HIVEP1: variants seen among roughly 807,000 people sequenced by gnomAD.
The protein encoded by HIVEP1 is HIVEP zinc finger 1, also known as zinc finger protein 40.
HIVEP1 carries 36 observed loss-of-function variants against 180.0 expected under a neutral mutation model. That is an observed-to-expected ratio of 0.20 (90% CI 0.15 to 0.26). The LOEUF (loss-of-function observed/expected upper bound fraction) is 0.26, where lower values mean the gene tolerates loss of function less well. Ranked by LOEUF, HIVEP1 falls within the 10% of genes least tolerant of loss-of-function variation. The probability of loss-of-function intolerance (pLI) is 1.00; values close to 1 mark genes in which losing one functional copy is unlikely to be tolerated. For synonymous variants in HIVEP1, 1,239 were observed against 1,239.0 expected, an observed-to-expected ratio of 1.00 and a Z score of 0.00; for missense variants, 3,143 against 3,268.7, an observed-to-expected ratio of 0.96 and a Z score of 0.94.
the HIVEP1 span, among the ~76,000 whole-genome samples, chr6:12,201,257 G>T: frequency 1.1e-4 from 16 of 152,128 alleles, no homozygotes; most frequent in Non-Finnish European, 1.8e-4. Context: ...TGGGCGAATC[G>T]TTTGAGCCCA....
At chr6:12,018,018 T>TGGGGGGTGCTTAGGCATG in intron 2 of HIVEP1, among the ~76,000 whole-genome samples, 1 of 152,278 alleles carries the variant, frequency 6.6e-6, no homozygotes, top group South Asian at 2.1e-4. Flanking sequence ...GCCCATGGCG[T>TGGGGGGTGCTTAGGCATG]GGGGGGTGCT....
At chr6:12,155,309 G>A (rs1000863626) in intron 7 of HIVEP1, among the ~76,000 whole-genome samples, 4 of 151,828 alleles carry the variant, frequency 2.6e-5, no homozygotes, top group Non-Finnish European at 4.4e-5. Context: ...CAGGTTTGTC[G>A]CACAGGTAAA....
In HIVEP1 at chr6:12,122,881, G is replaced by A. The variant is rs1757772873; in HGVS notation, c.3086G>A (p.Arg1029Lys). 1.2e-6 allele frequency: 2 copies of A among 1,614,076 alleles called. No homozygotes were observed. The highest frequency in any genetic ancestry group is 2.2e-5 in the South Asian group (2 of 91,084). The stretch of plus-strand genomic sequence containing the variant: ...ATCTGGGAACAGACGCCCCAGATAA[G>A]AAAAAGGAGGAAAATGAAAAGTGTT... The part of the protein sequence containing the change: ...SGIWEQTPQI[R>K]KRRKMKSVGD... Residue 1029 changes from arginine (R) to lysine (K), a missense_variant, in exon 4 of 9, where the codon AGA (arginine) becomes AAA (lysine). By Grantham distance (26) the Arg-to-Lys change is conservative (BLOSUM62 2). Around this residue, in one of 12 missense-constraint regions of HIVEP1, gnomAD observed 1,357 missense variants for 1,260.5 expected, o/e 1.08. Transcript: ENST00000379388.
At chr6:12,196,980 C>CA in the HIVEP1 span, among the ~76,000 whole-genome samples, 2 of 151,994 alleles carry the variant, frequency 1.3e-5, no homozygotes, top group Admixed American at 1.3e-4. Flanking sequence ...TCCTTGCTCT[C>CA]AAAAAATGTG....
chr6:12,096,332 G>A (rs1019776267), intron 3 of HIVEP1, among the ~76,000 whole-genome samples: 3 of 151,818 alleles, frequency 2.0e-5, no homozygotes, highest in Non-Finnish European at 2.9e-5. Context: ...TTGATAAGTG[G>A]GATTTTTGTT....
At position 12,164,362 on chromosome 6, in the gene HIVEP1, G is replaced by A; in HGVS notation, c.8058G>A (p.Gln2686=). ...SGQQTLSPDR[Q]VPRPTALPRR... ...AGCAGACTCTCTCTCCAGACAGACAGGTTCCCAGGCCCACAGCACTACCGC... is the reference window on the plus strand; with the variant it reads ...AGCAGACTCTCTCTCCAGACAGACAAGTTCCCAGGCCCACAGCACTACCGC... Residue 2686 remains glutamine, a synonymous_variant, in exon 9 of 9, where the codon CAG becomes CAA. Transcript: ENST00000379388. The A allele has an allele frequency of 6.2e-7, 1 of 1,614,132 alleles. No homozygotes were observed. The highest frequency in any genetic ancestry group is 8.5e-7 in the Non-Finnish European group (1 of 1,180,026).
chr6:12,124,382 A>C lies in HIVEP1; in HGVS notation c.4587A>C (p.Leu1529=), dbSNP rs368279780. 5.0e-6 allele frequency: 8 copies of C among 1,614,126 alleles called. No individual in the cohort carries two copies. The East Asian group carries it at 1.3e-4, about 27-fold the overall frequency. The change falls in exon 4 of 9, where the codon CTA becomes CTC. Residue 1529 remains leucine (L), a synonymous_variant. Transcript: ENST00000379388. ...CGCCTAGCCACCAGAGCACACAGCT[A>C]TCTCTGCAAGTGTCTACGCAGGGTA... is the stretch of plus-strand genomic sequence containing the variant. The part of the protein sequence containing the change: ...HAPPSHQSTQ[L]SLQVSTQGSK...
At chr6:12,210,528 T>TA in the HIVEP1 span, among the ~76,000 whole-genome samples, 13 of 152,140 alleles carry the variant, frequency 8.5e-5, no homozygotes, top group South Asian at 4.1e-4. Flanking sequence ...TTAGATGTTT[T>TA]AAAAAAATAG....
At chr6:12,184,533 A>T in the HIVEP1 span, among the ~76,000 whole-genome samples, 6 of 152,190 alleles carry the variant, frequency 3.9e-5, no homozygotes, top group Non-Finnish European at 8.8e-5. Flanking sequence ...ATTTGGGCAG[A>T]CCATGTTTGC....
At chr6:12,209,121 C>T in the HIVEP1 span, among the ~76,000 whole-genome samples, 3 of 152,202 alleles carry the variant, frequency 2.0e-5, no homozygotes, top group Non-Finnish European at 2.9e-5. Flanking sequence ...GGCAGGTCTC[C>T]TCTGGCCACT....
chr6:12,117,610 T>C (rs1775299292), intron 3 of HIVEP1, among the ~76,000 whole-genome samples: 1 of 152,208 alleles, frequency 6.6e-6, no homozygotes, highest in Non-Finnish European at 1.5e-5. Flanking sequence ...TTATTTAATT[T>C]TGAATAACAT....
the HIVEP1 span, among the ~76,000 whole-genome samples, chr6:12,186,718 G>A: frequency 2.6e-5 from 4 of 152,050 alleles, no homozygotes; most frequent in African/African-American, 7.2e-5. Context: ...TCCCATATGC[G>A]ATGAAAGTTA....
chr6:12,168,061 ATAC>A (rs1219388016), downstream of HIVEP1, among the ~76,000 whole-genome samples: 2 of 9,108 alleles, frequency 2.2e-4, no homozygotes, highest in South Asian at 0.011. Context: ...ATGTGTATAT[ATAC>A]ATATATATGT....
intron 7 of HIVEP1, among the ~76,000 whole-genome samples, chr6:12,160,890 T>A (rs536372088): frequency 1.1e-4 from 17 of 152,250 alleles, no homozygotes; most frequent in Admixed American, 1.3e-4. Flanking sequence ...CCTAGTAATT[T>A]GAAAGGGCCC....
chr6:12,027,692 A>T (rs1211471339), intron 2 of HIVEP1, among the ~76,000 whole-genome samples: 2 of 152,224 alleles, frequency 1.3e-5, no homozygotes, highest in African/African-American at 4.8e-5. Context: ...AATGAGCCCT[A>T]CAAGGAAGGT....
the HIVEP1 span, among the ~76,000 whole-genome samples, chr6:12,180,472 T>C: frequency 6.6e-6 from 1 of 152,248 alleles, no homozygotes; most frequent in Non-Finnish European, 1.5e-5. Flanking sequence ...TGTATCTGTT[T>C]ATACTAAGTA....
chr6:12,028,983 T>G (rs943126362), intron 2 of HIVEP1, among the ~76,000 whole-genome samples: 3 of 152,244 alleles, frequency 2.0e-5, no homozygotes, highest in Admixed American at 6.5e-5. Flanking sequence ...TGTAGCTTTT[T>G]TTCATTGTTT....
chr6:12,179,811 T>C, the HIVEP1 span, among the ~76,000 whole-genome samples: 2 of 152,210 alleles, frequency 1.3e-5, no homozygotes, highest in Admixed American at 6.5e-5. Context: ...TTCCCAACAG[T>C]AGTTACTTAT....
At chr6:12,109,521 AT>A (rs1303370157) in intron 3 of HIVEP1, among the ~76,000 whole-genome samples, 3 of 152,164 alleles carry the variant, frequency 2.0e-5, no homozygotes, top group Non-Finnish European at 2.9e-5. Context: ...CCAGAAATAG[AT>A]TTCATCTCAA....
Sources: allele counts gnomAD v4.1 joint callset (sites outside exome capture counted in the v4.1 genomes callset), GRCh38; gene constraint gnomAD v4.1.1; regional missense constraint gnomAD v4.1.1; transcripts MANE v1.5; gene names NCBI Gene and HGNC (gene_info 2026-07-23, HGNC 2026-07-21).